SNX30: variants seen among roughly 807,000 people sequenced by gnomAD.
SNX30 encodes sorting nexin-30.
SNX30 carries 24 observed loss-of-function variants against 46.4 expected under a neutral mutation model. That is an observed-to-expected ratio of 0.52 (90% CI 0.37 to 0.73). SNX30 has a LOEUF of 0.73. Ranked by LOEUF, SNX30 falls within the 30% of genes least tolerant of loss-of-function variation. The probability of loss-of-function intolerance (pLI) is 0.00; values close to 1 mark genes in which losing one functional copy is unlikely to be tolerated. For missense variants in SNX30, 533 were observed against 555.7 expected, an observed-to-expected ratio of 0.96 and a Z score of 0.41; for synonymous variants, 189 against 211.5, an observed-to-expected ratio of 0.89 and a Z score of 0.92.
rs753304097 is a variant in SNX30, at chr9:112,827,371, C to T, written c.460-3354C>T. 6.6e-5 allele frequency among the ~76,000 whole-genome samples: 10 copies of T among 152,178 alleles called. No homozygotes were observed. In the East Asian group the frequency reaches 1.2e-3, roughly 18 times the overall value. On this transcript the variant is annotated intron_variant, in intron 3 of 8. Coordinates refer to ENST00000374232, the MANE Select transcript of SNX30 (RefSeq NM_001012994.2). ...GTACCAAGAAATGTATAGAACTTGA[C>T]GGTAGGCAAACAGCTAGTAGGTGGC...
At chr9:112,797,873 ATTTTTTTTTTTT>A (rs55871515) in intron 1 of SNX30, among the ~76,000 whole-genome samples, 1 of 121,948 alleles carries the variant, frequency 8.2e-6, no homozygotes, top group East Asian at 2.4e-4. Flanking sequence ...TAATATTGGT[ATTTTTTTTTTTT>A]TTTTTTTTAG....
chr9:112,817,679 A>AT (rs1381167474), intron 2 of SNX30, 26 bp from the exon 3 acceptor site: 4 of 1,390,994 alleles, frequency 2.9e-6, no homozygotes, highest in South Asian at 1.2e-5. Context: ...CCTTATGCTT[A>AT]TTTTTTTCCA....
At chr9:112,848,610 G>A (rs1308004963) in intron 6 of SNX30, among the ~76,000 whole-genome samples, 1 of 152,220 alleles carries the variant, frequency 6.6e-6, no homozygotes, top group African/African-American at 2.4e-5. Flanking sequence ...CACTCTGCAG[G>A]GTTGCTGGGA....
At position 112,874,477 on chromosome 9, in the gene SNX30, T is replaced by TTA. The variant is rs1841492580; in HGVS notation, c.*5634_*5635insTA. On this transcript the variant is annotated 3_prime_UTR_variant, in exon 9 of 9. Transcript: ENST00000374232. ...ACTTCGGCTTTGGACATGTCCACATTATGGACTGTCATCTTATTTTTAAAA... is the reference window on the plus strand; with the variant it reads ...ACTTCGGCTTTGGACATGTCCACATTTAATGGACTGTCATCTTATTTTTAAAA... The TTA allele has an allele frequency of 6.6e-6, 1 of 152,254 alleles. No homozygotes were observed. Among genetic ancestry groups the TTA allele is most frequent in the Non-Finnish European group, 1.5e-5 (1 of 68,040 alleles). 9.4% of individuals were successfully genotyped at this position (152,254 alleles called of 1,614,324 possible). A position where few individuals can be genotyped will look rare whatever the true frequency, so the allele number is the denominator to read the frequency against.
intron 1 of SNX30, among the ~76,000 whole-genome samples, chr9:112,775,542 TTGTGTGTGTGTGTGTGTG>T (rs199600863): frequency 2.3e-5 from 3 of 131,412 alleles, no homozygotes; most frequent in African/African-American, 2.9e-5. Flanking sequence ...TATTTTAAAT[TTGTGTGTGTGTGTGTGTG>T]TGTGTGTGTG....
chr9:112,777,494 A>G (rs2131371651), intron 1 of SNX30, among the ~76,000 whole-genome samples: 1 of 151,830 alleles, frequency 6.6e-6, no homozygotes, highest in East Asian at 1.9e-4. Flanking sequence ...TGGTGCAGTC[A>G]TGGCTCACTG....
intron 1 of SNX30, among the ~76,000 whole-genome samples, chr9:112,762,711 A>C (rs563085836): frequency 8.3e-4 from 126 of 152,338 alleles, no homozygotes; most frequent in African/African-American, 2.9e-3. Flanking sequence ...AAAGCATTTA[A>C]TCGCCCATAG....
At chr9:112,765,037 C>G (rs1445617484) in intron 1 of SNX30, among the ~76,000 whole-genome samples, 2 of 152,180 alleles carry the variant, frequency 1.3e-5, no homozygotes, top group Non-Finnish European at 2.9e-5. Flanking sequence ...GGCTGATCAA[C>G]TGAGCTCAAC....
chr9:112,815,658 G>A (rs1840385933), intron 2 of SNX30, among the ~76,000 whole-genome samples: 1 of 152,222 alleles, frequency 6.6e-6, no homozygotes, highest in Non-Finnish European at 1.5e-5. Flanking sequence ...ACTGCGCCCA[G>A]CCAATAATCG....
At chr9:112,877,743 G>T (rs1366619900), downstream of SNX30, 2 of 151,392 alleles carry the variant, frequency 1.3e-5, no homozygotes, top group African/African-American at 4.9e-5. Context: ...TTTTTAAGAG[G>T]CAATCTTGCT....
intron 2 of SNX30, among the ~76,000 whole-genome samples, chr9:112,810,307 C>T (rs753138718): frequency 7.9e-5 from 12 of 152,062 alleles, no homozygotes; most frequent in African/African-American, 2.9e-4. Flanking sequence ...CGTGTCTGTC[C>T]GTGTGTTTGC....
chr9:112,807,569 G>C (rs996773826), intron 2 of SNX30, among the ~76,000 whole-genome samples: 1 of 151,990 alleles, frequency 6.6e-6, no homozygotes, highest in African/African-American at 2.4e-5. Context: ...TTTTTTTCTA[G>C]GGTGACCTTA....
At chr9:112,766,928 A>G (rs867659338) in intron 1 of SNX30, among the ~76,000 whole-genome samples, 1 of 152,202 alleles carries the variant, frequency 6.6e-6, no homozygotes. Flanking sequence ...TGGTTATGCA[A>G]ATATCTCTTT....
At position 112,859,794 on chromosome 9, in the gene SNX30, G is replaced by A. The variant is rs757799174; in HGVS notation, c.1102-4453G>A. On this transcript the variant is annotated intron_variant, in intron 7 of 8. Coordinates refer to ENST00000374232, the MANE Select transcript of SNX30 (RefSeq NM_001012994.2). Reference sequence around the variant, plus strand: ...AGTGCTGGGATTACAGGTGTGAGCCGCTGCACCTGGCCTATTTTCTGTTTT... The same window carrying A: ...AGTGCTGGGATTACAGGTGTGAGCCACTGCACCTGGCCTATTTTCTGTTTT... Among the ~76,000 whole-genome samples the A allele has an allele frequency of 4.6e-5, 7 of 150,984 alleles. No individual in the cohort carries two copies. The South Asian group carries it at 8.4e-4, about 18-fold the overall frequency.
At chr9:112,785,067 T>A (rs1839900665) in intron 1 of SNX30, among the ~76,000 whole-genome samples, 1 of 152,224 alleles carries the variant, frequency 6.6e-6, no homozygotes, top group Non-Finnish European at 1.5e-5. Flanking sequence ...CTCCTGTGTG[T>A]TGGAAAACAC....
chr9:112,821,455 G>T (rs1357005043), intron 3 of SNX30, among the ~76,000 whole-genome samples: 1 of 151,726 alleles, frequency 6.6e-6, no homozygotes, highest in Non-Finnish European at 1.5e-5. Flanking sequence ...GTATATATGT[G>T]TGTGTGTATA....
At chr9:112,808,106 A>G (rs1419350790) in intron 2 of SNX30, among the ~76,000 whole-genome samples, 1 of 152,190 alleles carries the variant, frequency 6.6e-6, no homozygotes, top group South Asian at 2.1e-4. Flanking sequence ...CTGAAGTTGT[A>G]TTGACGGATA....
intron 1 of SNX30, among the ~76,000 whole-genome samples, chr9:112,764,184 A>G (rs1362185672): frequency 6.6e-6 from 1 of 152,224 alleles, no homozygotes; most frequent in Non-Finnish European, 1.5e-5. Flanking sequence ...ACAAATGGAC[A>G]GAAGGAAGAG....
intron 3 of SNX30, among the ~76,000 whole-genome samples, chr9:112,826,667 A>G (rs923753528): frequency 6.6e-6 from 1 of 152,172 alleles, no homozygotes; most frequent in Non-Finnish European, 1.5e-5. Context: ...TGCCCAGTCA[A>G]TGGGCTTCTG....
Sources: allele counts gnomAD v4.1 joint callset (sites outside exome capture counted in the v4.1 genomes callset), GRCh38; gene constraint gnomAD v4.1.1; transcripts MANE v1.5; gene names NCBI Gene and HGNC (gene_info 2026-07-23, HGNC 2026-07-21).